Variants in NADK observed in about 807,000 individuals in gnomAD.
NADK encodes poly(P)/ATP NAD kinase.
In NADK, 22 loss-of-function variants were observed where a neutral mutation model predicts 49.8. That is an observed-to-expected ratio of 0.44 (90% CI 0.32 to 0.63). The LOEUF is 0.63. Among genes scored for constraint, NADK ranks in the 30% least tolerant of loss-of-function variants. The pLI is 0.06. For missense variants in NADK, 438 were observed against 609.4 expected, an observed-to-expected ratio of 0.72 and a Z score of 2.96; for synonymous variants, 268 against 253.7, an observed-to-expected ratio of 1.06 and a Z score of -0.54.
At chr1:1,763,491 T>TGGGC in intron 2 of NADK, among the ~76,000 whole-genome samples, 1 of 151,734 alleles carries the variant, frequency 6.6e-6, no homozygotes, top group African/African-American at 2.4e-5. Context: ...TGGTGGCATA[T>TGGGC]GCCTGTAATC....
At chr1:1,778,516 C>T (rs1405364874), upstream of NADK, 1 of 150,022 alleles carries the variant, frequency 6.7e-6, no homozygotes, top group East Asian at 1.9e-4. The surrounding 1 kb of genome is among the most constrained non-coding windows in gnomAD (Gnocchi z 4.9). Flanking sequence ...GCACGTGGGG[C>T]GTCCCGCGCG....
chr1:1,770,588 C>T lies in NADK; in HGVS notation c.-40-5142G>A, dbSNP rs949772268. 3.9e-5 allele frequency among the ~76,000 whole-genome samples: 6 copies of T among 151,984 alleles called. No individual in the cohort carries two copies. The East Asian group carries it at 7.7e-4, about 20-fold the overall frequency. On this transcript the variant is annotated intron_variant, in intron 1 of 11. Coordinates refer to ENST00000341426, the MANE Select transcript of NADK (RefSeq NM_023018.5). ...TCTACTAAAAATACAAAAAATTAGC[C>T]GGGCATGGTGGCGGGTGCCTGTAGT... is the stretch of plus-strand genomic sequence containing the variant.
intron 1 of NADK, among the ~76,000 whole-genome samples, chr1:1,773,713 T>A (rs372068460): frequency 0.34 from 42,462 of 126,442 alleles, 9,040 homozygotes; most frequent in Admixed American, 0.49. Flanking sequence ...TGTGTGTGTG[T>A]GTGTGTGTGT....
chr1:1,762,259 G>T (rs1171575697), intron 2 of NADK, among the ~76,000 whole-genome samples: 1 of 152,240 alleles, frequency 6.6e-6, no homozygotes, highest in Non-Finnish European at 1.5e-5. Flanking sequence ...GCGCCGCTCA[G>T]ATCATGACCC....
chr1:1,754,205 A>G lies in NADK; in HGVS notation c.947T>C (p.Val316Ala). 1 of 1,612,508 alleles carries G rather than the reference A, an allele frequency of 6.2e-7. No individual in the cohort carries two copies. Among genetic ancestry groups the G allele is most frequent in the Non-Finnish European group, 8.5e-7 (1 of 1,179,754 alleles). Residue 316 changes from valine to alanine, a missense_variant, in exon 10 of 12, where the codon GTG (valine) becomes GCG (alanine). Coordinates refer to ENST00000341426, the MANE Select transcript of NADK (RefSeq NM_023018.5). This position sits in a 1 kb window ranked among gnomAD's most constrained non-coding sequence, Gnocchi z 4.3. ...GCTGCCCGTCGGGGTGGACACGATC[A>G]CTCCTGACAGGGACAGGCGCAGGCG... ...HLITTVQGDG[V>A]IVSTPTGSTA...
chr1:1,760,294 G>A (rs956962852), intron 3 of NADK, among the ~76,000 whole-genome samples: 11 of 152,222 alleles, frequency 7.2e-5, no homozygotes, highest in Non-Finnish European at 1.2e-4. Flanking sequence ...GGCCTCAAAA[G>A]CACAAGTGCG....
At chr1:1,753,123 C>T (rs2100264904) in intron 11 of NADK, 63 bp from the exon 12 acceptor site, 1 of 1,533,822 alleles carries the variant, frequency 6.5e-7, no homozygotes, top group Non-Finnish European at 8.8e-7. Flanking sequence ...CGGCCAAGAA[C>T]CCTTCCTCCC....
At chr1:1,761,341 G>T (rs777579489) in intron 3 of NADK, among the ~76,000 whole-genome samples, 20 of 152,046 alleles carry the variant, frequency 1.3e-4, no homozygotes, top group Non-Finnish European at 2.6e-4. Flanking sequence ...GCCCGGGCTG[G>T]TCTCAAACTC....
rs2100360961 is a variant in NADK, at chr1:1,769,665, C to CTGCA, written c.-40-4223_-40-4220dup. ...ATTCCTTGAACCTGGGAGGCAGAGG[C>CTGCA]TGCAGTGAGCTGAGATCGTGCCACT... On this transcript the variant is annotated intron_variant, in intron 1 of 11. Coordinates refer to ENST00000341426, the MANE Select transcript of NADK (RefSeq NM_023018.5). Among the ~76,000 whole-genome samples, 3 of 151,806 alleles carry CTGCA rather than the reference C, an allele frequency of 2.0e-5. No individual in the cohort carries two copies. In the East Asian group the frequency reaches 5.8e-4, roughly 29 times the overall value.
intron 2 of NADK, among the ~76,000 whole-genome samples, chr1:1,764,248 C>T (rs973231960): frequency 1.3e-5 from 2 of 152,350 alleles, no homozygotes; most frequent in South Asian, 2.1e-4. Context: ...TAGTCGTGAT[C>T]CTTGTTAGGC....
chr1:1,769,313 G>A (rs1213763089), intron 1 of NADK, among the ~76,000 whole-genome samples: 2 of 152,166 alleles, frequency 1.3e-5, no homozygotes, highest in African/African-American at 4.8e-5. Context: ...TTGGAAGGCC[G>A]AAGCGGGCAG....
chr1:1,759,206 T>A, intron 3 of NADK: 1 of 1,575,404 alleles, frequency 6.3e-7, no homozygotes, highest in Non-Finnish European at 8.6e-7. Flanking sequence ...CCGCTGTGTG[T>A]GACCACAAAC....
rs185484285 is a variant in NADK, at chr1:1,754,628, C to A, written c.759G>T (p.Thr253=). The change falls in exon 8 of 12, where the codon ACG becomes ACT. Residue 253 remains threonine (T), a synonymous_variant. Transcript: ENST00000341426. The surrounding 1 kb of genome is among the most constrained non-coding windows in gnomAD (Gnocchi z 4.3). ...TCTCACCCAGCCCATTGTGCACGGC[C>A]GTCTTCTTCCCCCGGAGCTCCTTCA... ...RVVKELRGKK[T]AVHNGLGENG... 330 of 1,613,908 alleles carry A rather than the reference C, an allele frequency of 2.0e-4. 1 individual carries two copies. In the East Asian group the frequency reaches 6.2e-3, roughly 30 times the overall value.
At chr1:1,753,251 G>C (rs1026670790) in intron 11 of NADK, among the ~76,000 whole-genome samples, 191 bp from the exon 12 acceptor site, 2 of 152,226 alleles carry the variant, frequency 1.3e-5, no homozygotes, top group East Asian at 3.9e-4. Context: ...TCCTGGAGGG[G>C]ACGGTGCAGG....
intron 1 of NADK, among the ~76,000 whole-genome samples, chr1:1,771,055 A>AATATAT (rs112432636): frequency 6.1e-5 from 8 of 132,080 alleles, no homozygotes; most frequent in African/African-American, 2.0e-4. Context: ...AAAAAAAAAA[A>AATATAT]ATATATATAT....
chr1:1,766,677 CCTTTTT>C (rs1450244953), intron 1 of NADK, among the ~76,000 whole-genome samples: 2 of 151,146 alleles, frequency 1.3e-5, no homozygotes, highest in Non-Finnish European at 3.0e-5. Context: ...CCTTTTTTCC[CCTTTTT>C]CTTTTTCTTT....
intron 2 of NADK, among the ~76,000 whole-genome samples, chr1:1,764,857 C>T (rs1489106772): frequency 3.3e-5 from 5 of 152,312 alleles, no homozygotes; most frequent in East Asian, 1.9e-4. Flanking sequence ...GCCAAGATTG[C>T]GCCACTGCAC....
intron 3 of NADK, chr1:1,761,735 T>C: frequency 2.1e-6 from 1 of 480,488 alleles, no homozygotes; most frequent in Non-Finnish European, 3.8e-6. Flanking sequence ...ATGCCTGCAC[T>C]CAGGGGGTTC....
chr1:1,762,289 C>G (rs1297918952), intron 2 of NADK, among the ~76,000 whole-genome samples: 2 of 152,162 alleles, frequency 1.3e-5, no homozygotes, highest in African/African-American at 4.8e-5. Context: ...AGAGCTTCAG[C>G]CCAAACAAGG....
Sources: allele counts gnomAD v4.1 joint callset (sites outside exome capture counted in the v4.1 genomes callset), GRCh38; gene constraint gnomAD v4.1.1; non-coding constraint Gnocchi (gnomAD v3.1); transcripts MANE v1.5; gene names NCBI Gene and HGNC (gene_info 2026-07-23, HGNC 2026-07-21).